Variants in BCAR3 observed in about 807,000 individuals in gnomAD.
The protein encoded by BCAR3 is breast cancer anti-estrogen resistance protein 3.
BCAR3 carries 37 observed loss-of-function variants against 80.1 expected under a neutral mutation model. The observed-to-expected ratio is 0.46, with a 90% CI of 0.36 to 0.61. The LOEUF is 0.61. Among genes scored for constraint, BCAR3 ranks in the 20% least tolerant of loss-of-function variants. The pLI is 0.00. For missense variants in BCAR3, 978 were observed against 1,068.2 expected, an observed-to-expected ratio of 0.92 and a Z score of 1.18; for synonymous variants, 389 against 418.9, an observed-to-expected ratio of 0.93 and a Z score of 0.87.
At chr1:93,573,290 G>A (rs6667494) in intron 8 of BCAR3, among the ~76,000 whole-genome samples, 88,928 of 151,876 alleles carry the variant, frequency 0.59, 29,113 homozygotes, top group Non-Finnish European at 0.74. Context: ...CCAGCTACTC[G>A]AGTGGCTGAG....
At chr1:93,587,696 CCCG>C (rs778256567) in intron 5 of BCAR3, among the ~76,000 whole-genome samples, 2,279 of 144,118 alleles carry the variant, frequency 0.016, 28 homozygotes, top group Middle Eastern at 0.025. Flanking sequence ...CATGGACCCC[CCCG>C]CCAAAAAAAA....
At chr1:93,648,359 T>C (rs2101916561) in intron 2 of BCAR3, among the ~76,000 whole-genome samples, 1 of 152,200 alleles carries the variant, frequency 6.6e-6, no homozygotes, top group South Asian at 2.1e-4. Flanking sequence ...TGGTAAATGG[T>C]AAAAGTACCA....
intron 2 of BCAR3, among the ~76,000 whole-genome samples, chr1:93,763,937 T>C (rs1652050918): frequency 6.6e-6 from 1 of 152,180 alleles, no homozygotes; most frequent in African/African-American, 2.4e-5. Flanking sequence ...AGCACACCAC[T>C]GATGGGATCC....
At chr1:93,846,619 C>T (rs561528236) in intron 1 of BCAR3, among the ~76,000 whole-genome samples, 31 of 152,156 alleles carry the variant, frequency 2.0e-4, no homozygotes, top group East Asian at 5.9e-4. Flanking sequence ...CTCGCAGCCA[C>T]CAGGAAACCC....
intron 2 of BCAR3, among the ~76,000 whole-genome samples, chr1:93,807,613 T>C: frequency 6.6e-6 from 1 of 152,198 alleles, no homozygotes; most frequent in East Asian, 1.9e-4. Context: ...AATAGATTAA[T>C]AGTCTGTGTG....
chr1:93,646,874 CTT>C (rs1161453645), intron 2 of BCAR3, among the ~76,000 whole-genome samples: 1 of 151,986 alleles, frequency 6.6e-6, no homozygotes, highest in African/African-American at 2.4e-5. Context: ...AGGAAAATAA[CTT>C]TAAATATTAG....
intron 2 of BCAR3, among the ~76,000 whole-genome samples, chr1:93,707,783 C>G (rs1263134612): frequency 6.6e-6 from 1 of 152,260 alleles, no homozygotes; most frequent in East Asian, 1.9e-4. Context: ...TAGGCTGAAG[C>G]TGGACATTAG....
At chr1:93,617,429 G>A (rs1045093283) in intron 3 of BCAR3, among the ~76,000 whole-genome samples, 2 of 152,170 alleles carry the variant, frequency 1.3e-5, no homozygotes, top group East Asian at 1.9e-4. Context: ...CTTACACTGA[G>A]GCACTCTTGG....
In BCAR3 at chr1:93,675,024, T is replaced by C. The variant is rs1648407113; in HGVS notation, c.-11-83A>G. Reference sequence around the variant, plus strand: ...TCCTACTTACAAAAGGAAATGGAAATATGCCACATAAAATGAAATATTCAC... The same window carrying C: ...TCCTACTTACAAAAGGAAATGGAAACATGCCACATAAAATGAAATATTCAC... On this transcript the variant is annotated intron_variant, in intron 1 of 11. Coordinates refer to ENST00000260502, the MANE Select transcript of BCAR3 (RefSeq NM_003567.4). 11 of 1,128,878 alleles carry C rather than the reference T, an allele frequency of 9.7e-6. No individual in the cohort carries two copies. In the South Asian group the frequency reaches 1.9e-4, roughly 20 times the overall value. 69.9% of individuals were successfully genotyped at this position (1,128,878 alleles called of 1,614,324 possible).
rs143701147 is a variant in BCAR3, at chr1:93,808,762, G to C, written c.-63+36805C>G. Among the ~76,000 whole-genome samples the C allele has an allele frequency of 8.1e-3, 1,239 of 152,184 alleles. 16 individuals are homozygous for C. The highest frequency in any genetic ancestry group is 0.029 in the African/African-American group (1,193 of 41,506). ...CATGGAAAACATGATATGAGGATAAGATAAAGAAAATTGGTGGGATTAAAA... is the reference window on the plus strand; with the variant it reads ...CATGGAAAACATGATATGAGGATAACATAAAGAAAATTGGTGGGATTAAAA... On this transcript the variant is annotated intron_variant, in intron 2 of 13. Transcript: ENST00000370244.
intron 2 of BCAR3, among the ~76,000 whole-genome samples, chr1:93,745,362 G>A (rs1350098975): frequency 6.6e-6 from 1 of 152,252 alleles, no homozygotes; most frequent in Non-Finnish European, 1.5e-5. Context: ...TTTGTGAGAA[G>A]AGCAGAGGGG....
rs564037636 is a variant in BCAR3 at position 93,632,432 on chromosome 1, TC to T, written c.357+9871del. ...CTGTACTTCAAATTTTGAAATGTGA[TC>T]TTTTCTGGCCTAGCAACATGCACTA... On this transcript the variant is annotated intron_variant, in intron 3 of 11. Transcript: ENST00000260502. Among the ~76,000 whole-genome samples, 499 of 152,330 alleles carry T rather than the reference TC, an allele frequency of 3.3e-3. 8 individuals are homozygous for T. The highest frequency in any genetic ancestry group is 0.012 in the African/African-American group (488 of 41,568).
chr1:93,628,338 C>G (rs1044623012), intron 3 of BCAR3, among the ~76,000 whole-genome samples: 3 of 152,226 alleles, frequency 2.0e-5, no homozygotes, highest in African/African-American at 7.2e-5. Context: ...CCTCACTGGT[C>G]TCCCTGCTTC....
At chr1:93,847,982 G>A (rs897448107), upstream of BCAR3, 1 of 195,538 alleles carries the variant, frequency 5.1e-6, no homozygotes, top group Non-Finnish European at 1.0e-5. Flanking sequence ...AAGTGCAGGG[G>A]AGGCCCGGGT....
At chr1:93,692,088 A>G (rs1649213587) in intron 3 of BCAR3, among the ~76,000 whole-genome samples, 1 of 152,234 alleles carries the variant, frequency 6.6e-6, no homozygotes, top group East Asian at 1.9e-4. Flanking sequence ...AGGGTTGGCC[A>G]GTTTGATTTT....
chr1:93,576,034 C>T lies in BCAR3; in HGVS notation c.1782G>A (p.Leu594=). 6.2e-7 allele frequency: 1 copy of T among 1,614,158 alleles called. No individual in the cohort carries two copies. The highest frequency in any genetic ancestry group is 8.5e-7 in the Non-Finnish European group (1 of 1,180,026). ...ELITLPHGHQ[L]RLDIIERHNT... Reference sequence around the variant, plus strand: ...CTCACCTTTCAATTATGTCCAGGCGCAGCTGGTGTCCGTGAGGCAAGGTAA... The same window carrying T: ...CTCACCTTTCAATTATGTCCAGGCGTAGCTGGTGTCCGTGAGGCAAGGTAA... Residue 594 remains leucine, a synonymous_variant, in exon 8 of 12, where the codon CTG becomes CTA. Coordinates refer to ENST00000260502, the MANE Select transcript of BCAR3 (RefSeq NM_003567.4).
intron 2 of BCAR3, among the ~76,000 whole-genome samples, chr1:93,772,248 AAG>A (rs879752095): frequency 3.9e-5 from 6 of 152,206 alleles, no homozygotes; most frequent in Non-Finnish European, 8.8e-5. Context: ...TTTGGATTTT[AAG>A]AAAAATCACT....
At chr1:93,671,861 A>G (rs1648214166) in intron 2 of BCAR3, among the ~76,000 whole-genome samples, 1 of 152,210 alleles carries the variant, frequency 6.6e-6, no homozygotes, top group Non-Finnish European at 1.5e-5. Flanking sequence ...ACTCCTCAAA[A>G]TTGGGAACAC....
At chr1:93,736,579 A>T (rs1410350339) in intron 2 of BCAR3, among the ~76,000 whole-genome samples, 1 of 152,262 alleles carries the variant, frequency 6.6e-6, no homozygotes, top group African/African-American at 2.4e-5. Flanking sequence ...GTAGACAGAA[A>T]TATGTGTGAT....
Sources: gnomAD v4.1 joint callset for allele counts (sites outside exome capture counted in the v4.1 genomes callset) on GRCh38, gnomAD v4.1.1 for gene constraint, MANE v1.5 for transcripts, NCBI Gene and HGNC (gene_info 2026-07-23, HGNC 2026-07-21) for gene names.